The following TYW1B variants were observed in gnomAD, a reference collection of about 807,000 sequenced individuals.
TYW1B encodes S-adenosyl-L-methionine-dependent tRNA 4-demethylwyosine synthase TYW1B.
Under a neutral mutation model 86.9 loss-of-function variants are expected in TYW1B, and 73 were observed. The ratio of observed to expected loss-of-function variants is 0.84; its 90% CI spans 0.70 to 1.02. The LOEUF (loss-of-function observed/expected upper bound fraction) is 1.02, where lower values mean the gene tolerates loss of function less well. Ranked by LOEUF, TYW1B falls within the 50% of genes least tolerant of loss-of-function variation. The probability of loss-of-function intolerance (pLI) is 0.00; values close to 1 mark genes in which losing one functional copy is unlikely to be tolerated. For synonymous variants in TYW1B, 248 were observed against 292.8 expected, an observed-to-expected ratio of 0.85 and a Z score of 1.56; for missense variants, 637 against 827.4, an observed-to-expected ratio of 0.77 and a Z score of 2.82.
At chr7:72,752,482 A>G (rs1787516675) in intron 7 of TYW1B, among the ~76,000 whole-genome samples, 1 of 152,086 alleles carries the variant, frequency 6.6e-6, no homozygotes, top group Non-Finnish European at 1.5e-5. Flanking sequence ...TGTAATCCCA[A>G]CACTTTGGGA....
At chr7:72,654,540 A>G (rs1332794301) in intron 11 of TYW1B, among the ~76,000 whole-genome samples, 1 of 152,232 alleles carries the variant, frequency 6.6e-6, no homozygotes, top group Non-Finnish European at 1.5e-5. Flanking sequence ...GCATCCCTTC[A>G]GCCAAACCTA....
intron 12 of TYW1B, among the ~76,000 whole-genome samples, chr7:72,622,666 G>GCACATA (rs543544767): frequency 6.6e-6 from 1 of 151,370 alleles, no homozygotes; most frequent in East Asian, 1.9e-4. Context: ...ACACACACAT[G>GCACATA]CACATACACA....
At chr7:72,792,258 C>T (rs1192914764) in intron 6 of TYW1B, among the ~76,000 whole-genome samples, 3 of 149,226 alleles carry the variant, frequency 2.0e-5, no homozygotes, top group Non-Finnish European at 3.0e-5. Context: ...AACTGGGAGG[C>T]GGAAGTTGCA....
At chr7:72,814,340 T>C (rs1338374091) in intron 3 of TYW1B, among the ~76,000 whole-genome samples, 1 of 152,134 alleles carries the variant, frequency 6.6e-6, no homozygotes, top group East Asian at 1.9e-4. Flanking sequence ...ATCCTAGCAC[T>C]TTGGGAGGCC....
chr7:72,603,543 C>T (rs529103760), intron 13 of TYW1B, among the ~76,000 whole-genome samples: 6 of 152,310 alleles, frequency 3.9e-5, no homozygotes, highest in Non-Finnish European at 4.4e-5. Context: ...CCTAACACTG[C>T]GCCCCCTGGA....
intron 13 of TYW1B, among the ~76,000 whole-genome samples, chr7:72,610,403 T>C (rs1811904546): frequency 6.6e-6 from 1 of 151,870 alleles, no homozygotes; most frequent in Non-Finnish European, 1.5e-5. Flanking sequence ...GCAAGTAACA[T>C]CATCTCCATG....
chr7:72,597,404 A>C (rs1480757841), intron 13 of TYW1B, among the ~76,000 whole-genome samples: 1 of 152,242 alleles, frequency 6.6e-6, no homozygotes, highest in East Asian at 1.9e-4. Context: ...AACGTAATCA[A>C]CTCAAGATAG....
chr7:72,577,715 C>A (rs1811055426), intron 13 of TYW1B, among the ~76,000 whole-genome samples: 1 of 152,168 alleles, frequency 6.6e-6, no homozygotes, highest in East Asian at 1.9e-4. Flanking sequence ...CAACTTCACA[C>A]AGACGGCCTG....
intron 11 of TYW1B, among the ~76,000 whole-genome samples, chr7:72,650,070 T>A: frequency 2.3e-5 from 1 of 44,086 alleles, no homozygotes; most frequent in South Asian, 5.9e-4. Flanking sequence ...TTTTTGTTGG[T>A]TTTTTTTTTT....
chr7:72,597,595 G>T (rs1164565106), intron 13 of TYW1B, among the ~76,000 whole-genome samples: 2 of 151,784 alleles, frequency 1.3e-5, no homozygotes, highest in Non-Finnish European at 2.9e-5. Flanking sequence ...ACCCGATCTC[G>T]GCTGAACTAG....
intron 13 of TYW1B, among the ~76,000 whole-genome samples, chr7:72,599,205 T>C (rs1554433210): frequency 3.3e-5 from 5 of 152,240 alleles, no homozygotes; most frequent in African/African-American, 9.6e-5. Context: ...GTGGGACTTA[T>C]TCCAGGTATG....
At chr7:72,622,942 G>C (rs573997525) in intron 12 of TYW1B, among the ~76,000 whole-genome samples, 2 of 152,238 alleles carry the variant, frequency 1.3e-5, no homozygotes, top group Non-Finnish European at 2.9e-5. Flanking sequence ...CCTGACCCAA[G>C]GGTTGTTCAT....
At chr7:72,723,029 C>G in intron 9 of TYW1B, 1 of 753,788 alleles carries the variant, frequency 1.3e-6, no homozygotes, top group Non-Finnish European at 2.2e-6. Context: ...CGAAAAGGGC[C>G]CTCCCAAAAG....
chr7:72,710,701 G>C (rs1786636715), intron 10 of TYW1B, among the ~76,000 whole-genome samples: 1 of 152,102 alleles, frequency 6.6e-6, no homozygotes, highest in South Asian at 2.1e-4. Flanking sequence ...CCAGCTACTG[G>C]GGAGACTGAG....
Position 72,616,841 on chromosome 7 carries a change from T to C in TYW1B, c.1618-2A>G. On this transcript the variant is annotated splice_acceptor_variant, in intron 12 of 13. Coordinates refer to ENST00000620995, the MANE Select transcript of TYW1B (RefSeq NM_001145440.3). LOFTEE classifies it high-confidence loss of function. Reference sequence around the variant, plus strand: ...ACTTTCTCTGCAGTAGGTAACGCCCTGTGGAAACAGTATAACCATCAGAGA... The same window carrying C: ...ACTTTCTCTGCAGTAGGTAACGCCCCGTGGAAACAGTATAACCATCAGAGA... The C allele has an allele frequency of 1.2e-6, 2 of 1,614,124 alleles. No homozygotes were observed. The highest frequency in any genetic ancestry group is 2.2e-5 in the South Asian group (2 of 91,076).
rs567065058 is a variant in TYW1B at position 72,799,526 on chromosome 7, C to T, written c.846+2874G>A. Among the ~76,000 whole-genome samples, 274 of 150,780 alleles carry T rather than the reference C, an allele frequency of 1.8e-3. 1 individual carries two copies. The highest frequency in any genetic ancestry group is 3.0e-3 in the Non-Finnish European group (201 of 67,790). ...TGTCACCCAGGCTGGAGTGCAGTGG[C>T]GCGATCTCGGCTCACTACAAGCTCT... is the stretch of plus-strand genomic sequence containing the variant. On this transcript the variant is annotated intron_variant, in intron 6 of 13. Coordinates refer to ENST00000620995, the MANE Select transcript of TYW1B (RefSeq NM_001145440.3).
chr7:72,822,773 C>G (rs1406741785), intron 2 of TYW1B: 1 of 152,206 alleles, frequency 6.6e-6, no homozygotes, highest in Non-Finnish European at 1.5e-5. Context: ...AGAAGGATCG[C>G]TTGAGGCCAG....
chr7:72,654,513 C>T (rs550911009), intron 11 of TYW1B, among the ~76,000 whole-genome samples: 25 of 152,258 alleles, frequency 1.6e-4, no homozygotes, highest in Non-Finnish European at 2.6e-4. Flanking sequence ...TGAATGGGAT[C>T]CTGGAATATA....
chr7:72,660,488 C>T (rs1255916876), intron 11 of TYW1B, among the ~76,000 whole-genome samples: 2 of 152,174 alleles, frequency 1.3e-5, no homozygotes, highest in East Asian at 1.9e-4. Context: ...TGCAGTTTCC[C>T]AACCCCTCAC....
Sources: allele counts gnomAD v4.1 joint callset (sites outside exome capture counted in the v4.1 genomes callset), GRCh38; gene constraint gnomAD v4.1.1; transcripts MANE v1.5; gene names NCBI Gene and HGNC (gene_info 2026-07-23, HGNC 2026-07-21).